ZNF483: variants seen among roughly 807,000 people sequenced by gnomAD.
The protein encoded by ZNF483 is zinc finger protein HIT-10.
In ZNF483, 9 loss-of-function variants were observed where a neutral mutation model predicts 28.6. The ratio of observed to expected loss-of-function variants is 0.32; its 90% CI spans 0.19 to 0.55. ZNF483 has a LOEUF of 0.55. ZNF483 is among the 20% of genes least tolerant of loss of function. ZNF483 has a pLI of 0.93. For synonymous variants in ZNF483, 322 were observed against 306.2 expected, an observed-to-expected ratio of 1.05 and a Z score of -0.54; for missense variants, 675 against 871.7, an observed-to-expected ratio of 0.77 and a Z score of 2.84.
intron 3 of ZNF483, among the ~76,000 whole-genome samples, chr9:111,532,152 A>T (rs74706041): frequency 0.043 from 6,562 of 152,198 alleles, 194 homozygotes; most frequent in Non-Finnish European, 0.066. Flanking sequence ...TATATAAAAA[A>T]TTTTAAAAAT....
At chr9:111,571,671 TG>T (rs1371295360) in intron 5 of ZNF483, among the ~76,000 whole-genome samples, 1 of 152,022 alleles carries the variant, frequency 6.6e-6, no homozygotes, top group Non-Finnish European at 1.5e-5. Flanking sequence ...TTTGTTTGTT[TG>T]TTTGTTTGTT....
intron 3 of ZNF483, among the ~76,000 whole-genome samples, chr9:111,531,720 AG>A (rs1827351630): frequency 6.6e-6 from 1 of 152,086 alleles, no homozygotes. Flanking sequence ...TCTGTCATCT[AG>A]GCTGGAGTGG....
chr9:111,575,658 C>G (rs1829024330), intron 5 of ZNF483, among the ~76,000 whole-genome samples: 1 of 152,184 alleles, frequency 6.6e-6, no homozygotes, highest in Admixed American at 6.5e-5. Context: ...GAAAAATAGT[C>G]CTTTCAATAA....
chr9:111,525,863 A>G (rs2132205715), intron 1 of ZNF483, among the ~76,000 whole-genome samples: 1 of 152,040 alleles, frequency 6.6e-6, no homozygotes, highest in South Asian at 2.1e-4. Flanking sequence ...CGGGCGCTGT[A>G]CTCGGAAGTG....
intron 5 of ZNF483, among the ~76,000 whole-genome samples, chr9:111,538,139 A>C (rs1340456216): frequency 6.7e-6 from 1 of 149,398 alleles, no homozygotes; most frequent in East Asian, 2.0e-4. Context: ...TTTTTTTTTG[A>C]CATGTCTAGG....
intron 5 of ZNF483, among the ~76,000 whole-genome samples, chr9:111,572,174 A>G (rs1212371705): frequency 2.0e-5 from 3 of 152,360 alleles, no homozygotes; most frequent in Admixed American, 6.5e-5. Flanking sequence ...GCAGTTGGAA[A>G]TATGAAGCTT....
chr9:111,563,210 A>G lies in ZNF483; in HGVS notation c.722-13155A>G, dbSNP rs1231701720. 1.9e-6 allele frequency: 3 copies of G among 1,613,596 alleles called. No individual in the cohort carries two copies. The highest frequency in any genetic ancestry group is 1.7e-5 in the Admixed American group (1 of 59,958). On this transcript the variant is annotated intron_variant, in intron 5 of 5. Transcript: ENST00000358151. ...ATGTTTTCAAATCCTTCAATGATAT[A>G]TTCCTTGTACTGGATTTTACCCTGT...
rs1231809533 is a variant in ZNF483 at position 111,545,861 on chromosome 9, T to C, written c.*2691T>C. On this transcript the variant is annotated 3_prime_UTR_variant, in exon 6 of 6. Coordinates refer to ENST00000309235, the MANE Select transcript of ZNF483 (RefSeq NM_133464.5). ...CTTTGAACATTGGTATGCAAGTGTT[T>C]TGAACGTTAGTGTACAAGTCTTTGT... Among the ~76,000 whole-genome samples the C allele has an allele frequency of 6.6e-6, 1 of 152,192 alleles. No individual in the cohort carries two copies. Among genetic ancestry groups the C allele is most frequent in the Middle Eastern group, 3.2e-3 (1 of 316 alleles).
chr9:111,533,912 T>G, intron 4 of ZNF483, 47 bp downstream of exon 4: 1 of 1,571,146 alleles, frequency 6.4e-7, no homozygotes, highest in Non-Finnish European at 8.6e-7. Flanking sequence ...CTTGGGTCTC[T>G]TTTTGTTCCC....
At position 111,534,247 on chromosome 9, in the gene ZNF483, TTC is replaced by T; in HGVS notation, c.629-10_629-9del. On this transcript the variant is annotated splice_polypyrimidine_tract_variant and intron_variant, in intron 4 of 5. Transcript: ENST00000309235. ...TGCAAAACAGCAATTTTCTGTTCTTTTCTCTATGAGCAGACTTTCCAGTTTCA... is the reference window on the plus strand; with the variant it reads ...TGCAAAACAGCAATTTTCTGTTCTTTTCTATGAGCAGACTTTCCAGTTTCA... The T allele has an allele frequency of 6.2e-7, 1 of 1,611,726 alleles. No individual in the cohort carries two copies.
intron 5 of ZNF483, chr9:111,539,359 G>A: frequency 2.3e-6 from 1 of 441,086 alleles, no homozygotes; most frequent in Non-Finnish European, 4.6e-6. Flanking sequence ...GTACTCAGGG[G>A]CTTCTGCTCC....
At chr9:111,565,377 G>A (rs1183952894) in intron 5 of ZNF483, among the ~76,000 whole-genome samples, 1 of 152,190 alleles carries the variant, frequency 6.6e-6, no homozygotes, top group Non-Finnish European at 1.5e-5. Context: ...CACCCAGTCT[G>A]TGGTACTTTA....
intron 4 of ZNF483, 136 bp downstream of exon 4, chr9:111,534,001 A>T: frequency 8.9e-7 from 1 of 1,119,670 alleles, no homozygotes; most frequent in African/African-American, 1.6e-5. Context: ...AATCCTAAAA[A>T]CTGGTTCTGA....
At position 111,527,756 on chromosome 9, in the gene ZNF483, G is replaced by A; in HGVS notation, c.361G>A (p.Glu121Lys). 3.1e-6 allele frequency: 5 copies of A among 1,614,162 alleles called. No individual in the cohort carries two copies. The highest frequency in any genetic ancestry group is 3.4e-6 in the Non-Finnish European group (4 of 1,180,036). Residue 121 changes from glutamate (E) to lysine (K), a missense_variant, in exon 2 of 6, where the codon GAG becomes AAG. Physicochemically the swap from Glu to Lys is moderately conservative, Grantham distance 56. This residue lies in a region of ZNF483 where 525 missense variants were observed against 581.8 expected (regional missense o/e 0.90). Transcript: ENST00000309235. ...AAAGTCACAACATCCTGAGAGTAGT[G>A]AGGAAGTGGTGACCCTAATAGAAGA... The part of the protein sequence containing the change: ...WVKSQHPESS[E>K]EVVTLIEDLT...
At chr9:111,563,571 T>C (rs2132317187) in intron 5 of ZNF483, 1 of 165,934 alleles carries the variant, frequency 6.0e-6, no homozygotes, top group African/African-American at 2.4e-5. Context: ...AGTGCCGCGA[T>C]CTTGGCTCAC....
At chr9:111,564,313 A>C (rs1589292015) in intron 5 of ZNF483, 1 of 617,822 alleles carries the variant, frequency 1.6e-6, no homozygotes. Context: ...TATTATTATT[A>C]TTATTATTCT....
intron 5 of ZNF483, chr9:111,563,482 C>A (rs567121204): frequency 5.8e-6 from 2 of 346,378 alleles, no homozygotes; most frequent in East Asian, 4.6e-5. Context: ...TGTCATAAGG[C>A]AGTGATTAAG....
At chr9:111,563,058 A>C (rs1437150328) in intron 5 of ZNF483, 1 of 1,582,182 alleles carries the variant, frequency 6.3e-7, no homozygotes, top group Non-Finnish European at 8.6e-7. Context: ...CATTTTTGCT[A>C]AATGGTGAAA....
At chr9:111,526,587 G>A (rs1226338256) in intron 1 of ZNF483, among the ~76,000 whole-genome samples, 1 of 152,154 alleles carries the variant, frequency 6.6e-6, no homozygotes, top group South Asian at 2.1e-4. Context: ...GAAGTAAGGA[G>A]GAAGAGAAAT....
Sources: allele counts gnomAD v4.1 joint callset (sites outside exome capture counted in the v4.1 genomes callset), GRCh38; gene constraint gnomAD v4.1.1; regional missense constraint gnomAD v4.1.1; transcripts MANE v1.5; gene names NCBI Gene and HGNC (gene_info 2026-07-23, HGNC 2026-07-21).